The following NVL variants were observed in gnomAD, a reference collection of about 807,000 sequenced individuals.
NVL encodes nuclear VCP like.
NVL carries 84 observed loss-of-function variants against 110.2 expected under a neutral mutation model. The ratio of observed to expected loss-of-function variants is 0.76; its 90% CI spans 0.64 to 0.91. The LOEUF (loss-of-function observed/expected upper bound fraction) is 0.91, where lower values mean the gene tolerates loss of function less well. Ranked by LOEUF, NVL falls within the 40% of genes least tolerant of loss-of-function variation. The pLI, the probability that NVL is intolerant of heterozygous loss-of-function variation, is 0.00. For synonymous variants in NVL, 354 were observed against 361.1 expected (o/e 0.98, Z 0.22); for missense variants, 882 against 1,035.9 (o/e 0.85, Z 2.04).
chr1:224,328,013 G>A (rs528112909), intron 1 of NVL, among the ~76,000 whole-genome samples: 12 of 152,138 alleles, frequency 7.9e-5, no homozygotes, highest in Admixed American at 5.9e-4. Context: ...TTTTACTCTA[G>A]ATGTCTGTGA....
At chr1:224,259,211 C>A (rs1359095327) in intron 18 of NVL, among the ~76,000 whole-genome samples, 2 of 151,904 alleles carry the variant, frequency 1.3e-5, no homozygotes, top group South Asian at 4.2e-4. Flanking sequence ...GCCTCAGCCT[C>A]CTAAGTAGCT....
intron 19 of NVL, among the ~76,000 whole-genome samples, chr1:224,239,505 A>G (rs1660912136): frequency 6.6e-6 from 1 of 152,202 alleles, no homozygotes; most frequent in Admixed American, 6.5e-5. Context: ...TATGATTTTA[A>G]GAACCTATCA....
chr1:224,227,759 G>A (rs2102678512), intron 22 of NVL, 89 bp from the exon 23 acceptor site: 16 of 1,176,082 alleles, frequency 1.4e-5, no homozygotes, highest in Middle Eastern at 2.0e-4. Flanking sequence ...GCTGCAGTCC[G>A]CACCCGCAGG....
intron 14 of NVL, 142 bp from the exon 15 acceptor site, chr1:224,286,272 C>T (rs1201360121): frequency 3.3e-6 from 2 of 611,712 alleles, no homozygotes; most frequent in Non-Finnish European, 5.6e-6. Context: ...GTGGTGCTAT[C>T]TTGGCTCACT....
intron 15 of NVL, among the ~76,000 whole-genome samples, chr1:224,285,188 G>A (rs1571946551): frequency 6.6e-6 from 1 of 152,156 alleles, no homozygotes; most frequent in South Asian, 2.1e-4. Context: ...TGTAATCCCA[G>A]CACTTTGGGA....
At chr1:224,253,726 G>A (rs1223321422) in intron 18 of NVL, among the ~76,000 whole-genome samples, 7 of 136,284 alleles carry the variant, frequency 5.1e-5, no homozygotes, top group Admixed American at 2.3e-4. Flanking sequence ...AGCAAGGCTC[G>A]GTCTCAAAAA....
chr1:224,323,881 C>A (rs1453700768), intron 2 of NVL, among the ~76,000 whole-genome samples: 1 of 152,152 alleles, frequency 6.6e-6, no homozygotes, highest in East Asian at 1.9e-4. Flanking sequence ...TTGCTTGGGA[C>A]CCATGACCCT....
At chr1:224,304,266 A>C (rs1668700047) in intron 8 of NVL, among the ~76,000 whole-genome samples, 1 of 152,096 alleles carries the variant, frequency 6.6e-6, no homozygotes, top group African/African-American at 2.4e-5. Flanking sequence ...CTCTACTAAA[A>C]ATACAAAAAT....
intron 8 of NVL, among the ~76,000 whole-genome samples, chr1:224,304,357 G>A (rs375898131): frequency 5.3e-5 from 8 of 152,012 alleles, no homozygotes; most frequent in Admixed American, 1.3e-4. Context: ...CCTGGGAGGC[G>A]GAGGTTGCAG....
intron 18 of NVL, among the ~76,000 whole-genome samples, chr1:224,265,525 A>T (rs1341837370): frequency 6.6e-6 from 1 of 152,096 alleles, no homozygotes; most frequent in Non-Finnish European, 1.5e-5. Context: ...ATAAATAATA[A>T]AATAAAATAA....
At chr1:224,313,088 C>A in intron 4 of NVL, 1 of 387,756 alleles carries the variant, frequency 2.6e-6, no homozygotes, top group Admixed American at 2.6e-5. Flanking sequence ...GGGCCTGGGA[C>A]GTCAAGACTG....
intron 19 of NVL, among the ~76,000 whole-genome samples, chr1:224,248,275 CTTCT>C (rs1405237995): frequency 6.6e-6 from 1 of 152,186 alleles, no homozygotes; most frequent in African/African-American, 2.4e-5. Context: ...ATGTCTATAT[CTTCT>C]TTGTTATTCC....
intron 17 of NVL, among the ~76,000 whole-genome samples, chr1:224,271,661 T>C (rs571913549): frequency 6.6e-6 from 1 of 152,326 alleles, no homozygotes; most frequent in Non-Finnish European, 1.5e-5. Flanking sequence ...CTCTTTATAC[T>C]TGTGTTTTAT....
intron 16 of NVL, among the ~76,000 whole-genome samples, chr1:224,276,898 T>A (rs902422923): frequency 1.4e-4 from 22 of 152,032 alleles, no homozygotes; most frequent in Admixed American, 1.4e-3. Flanking sequence ...CTCATCCTGA[T>A]ACTTTCTGGA....
chr1:224,254,454 G>T (rs1262095713), intron 18 of NVL, among the ~76,000 whole-genome samples: 2 of 137,406 alleles, frequency 1.5e-5, no homozygotes, highest in East Asian at 4.4e-4. Flanking sequence ...GTGCAATGGC[G>T]CAATCTCAGC....
At chr1:224,305,662 A>C (rs1293273168) in intron 6 of NVL, among the ~76,000 whole-genome samples, 2 of 152,118 alleles carry the variant, frequency 1.3e-5, no homozygotes, top group Non-Finnish European at 2.9e-5. Context: ...GGTTCAAACA[A>C]TTCTCCTGCC....
At chr1:224,256,436 A>AAC (rs1240045485) in intron 18 of NVL, among the ~76,000 whole-genome samples, 2 of 149,370 alleles carry the variant, frequency 1.3e-5, no homozygotes, top group East Asian at 3.9e-4. Context: ...AAAAAAAAAA[A>AAC]AAAAAAAAAA....
intron 11 of NVL, among the ~76,000 whole-genome samples, chr1:224,294,863 A>G (rs1411163725): frequency 1.3e-5 from 2 of 152,230 alleles, no homozygotes; most frequent in Non-Finnish European, 2.9e-5. Flanking sequence ...TATTAGTGAA[A>G]GCACAGAGGG....
rs1349511072 is a variant in NVL, at chr1:224,296,501, C to T, written c.1180G>A (p.Asp394Asn). 2 of 1,489,506 alleles carry T rather than the reference C, an allele frequency of 1.3e-6. No individual in the cohort carries two copies. Among genetic ancestry groups the T allele is most frequent in the Non-Finnish European group, 1.8e-6 (2 of 1,098,450 alleles). 92.3% of individuals were successfully genotyped at this position (1,489,506 alleles called of 1,614,324 possible). ...AATGAATTTATTATTTTAAACTAAC[C>T]ATCCATGCAGGTTAGGAGTTGGGCT... ...IVAQLLTCMD[D>N]LNNVAATARV... The change falls in exon 11 of 23, where the codon GAT becomes AAT. Residue 394 changes from aspartate (D) to asparagine (N), a missense_variant and splice_region_variant. Transcript: ENST00000281701.
Sources: gnomAD v4.1 joint callset for allele counts (sites outside exome capture counted in the v4.1 genomes callset) on GRCh38, gnomAD v4.1.1 for gene constraint, MANE v1.5 for transcripts, NCBI Gene and HGNC (gene_info 2026-07-23, HGNC 2026-07-21) for gene names.